The following PDE11A variants were observed in gnomAD, a reference collection of about 807,000 sequenced individuals.
PDE11A encodes the protein phosphodiesterase 11A.
PDE11A carries 100 observed loss-of-function variants against 100.5 expected under a neutral mutation model. The observed-to-expected ratio is 1.00, with a 90% CI of 0.85 to 1.18. PDE11A has a LOEUF of 1.18. PDE11A is among the 50% of genes most tolerant of loss of function. The pLI, the probability that PDE11A is intolerant of heterozygous loss-of-function variation, is 0.00. For missense variants in PDE11A, 1,141 were observed against 1,152.6 expected, an observed-to-expected ratio of 0.99 and a Z score of 0.15; for synonymous variants, 381 against 420.8, an observed-to-expected ratio of 0.91 and a Z score of 1.16.
intron 10 of PDE11A, among the ~76,000 whole-genome samples, chr2:177,730,566 G>T (rs186571612): frequency 8.2e-5 from 11 of 134,726 alleles, no homozygotes; most frequent in Non-Finnish European, 1.5e-4. Context: ...TTTCCTTTTT[G>T]CTCTGCTTTC....
In PDE11A at chr2:177,698,879, T is replaced by C. The variant is rs182025059; in HGVS notation, c.2245-1447A>G. On this transcript the variant is annotated intron_variant, in intron 14 of 19. Coordinates refer to ENST00000286063, the MANE Select transcript of PDE11A (RefSeq NM_016953.4). ...AATGATCAATCACAGGCAGGTGTTC[T>C]GGGGCCAGAGAAAAAGTGGTAGGAA... Among the ~76,000 whole-genome samples, 7 of 152,284 alleles carry C rather than the reference T, an allele frequency of 4.6e-5. No individual in the cohort carries two copies. In the East Asian group the frequency reaches 1.2e-3, roughly 25 times the overall value.
At chr2:177,966,589 C>A (rs1559026888) in intron 2 of PDE11A, among the ~76,000 whole-genome samples, 1 of 151,738 alleles carries the variant, frequency 6.6e-6, no homozygotes, top group African/African-American at 2.4e-5. Flanking sequence ...TTATTGGAAG[C>A]CTTTTCTGTG....
intron 9 of PDE11A, among the ~76,000 whole-genome samples, chr2:177,787,765 C>A (rs1210921631): frequency 2.0e-5 from 3 of 151,758 alleles, no homozygotes; most frequent in Non-Finnish European, 2.9e-5. Flanking sequence ...AGACTTTAAA[C>A]CAACAAAGAT....
intron 2 of PDE11A, among the ~76,000 whole-genome samples, chr2:177,925,398 C>A (rs1218026625): frequency 6.6e-6 from 1 of 151,618 alleles, no homozygotes; most frequent in Non-Finnish European, 1.5e-5. Flanking sequence ...CCTGTTGTTT[C>A]CTGACTTTTT....
At chr2:177,997,418 ACCTTT>A (rs1256450996) in intron 2 of PDE11A, 1 of 826,512 alleles carries the variant, frequency 1.2e-6, no homozygotes, top group East Asian at 2.4e-5. Context: ...CCCAATCTCA[ACCTTT>A]TATACAGGTT....
intron 4 of PDE11A, among the ~76,000 whole-genome samples, chr2:177,877,813 C>T (rs1167603936): frequency 6.6e-6 from 1 of 152,068 alleles, no homozygotes; most frequent in African/African-American, 2.4e-5. Context: ...AGATATACCA[C>T]ATGATAGAAA....
At chr2:177,852,269 G>T (rs548220039) in intron 5 of PDE11A, among the ~76,000 whole-genome samples, 1 of 152,282 alleles carries the variant, frequency 6.6e-6, no homozygotes, top group South Asian at 2.1e-4. Context: ...ATGATTGTCA[G>T]TTGCCCTTCT....
intron 4 of PDE11A, among the ~76,000 whole-genome samples, chr2:177,880,881 A>G (rs2084321138): frequency 6.6e-6 from 1 of 152,204 alleles, no homozygotes; most frequent in African/African-American, 2.4e-5. Context: ...AATAATAAAT[A>G]AGGTCTCTAA....
intron 2 of PDE11A, among the ~76,000 whole-genome samples, chr2:177,981,903 C>T (rs1202732181): frequency 6.6e-6 from 1 of 150,762 alleles, no homozygotes; most frequent in Non-Finnish European, 1.5e-5. Context: ...AATGAGTATC[C>T]TTCCTGCGCT....
At chr2:177,895,261 T>TCCACCCG (rs1350447030) in intron 4 of PDE11A, among the ~76,000 whole-genome samples, 9 of 152,034 alleles carry the variant, frequency 5.9e-5, no homozygotes, top group Non-Finnish European at 1.3e-4. Flanking sequence ...ATTTAAAAAA[T>TCCACCCG]GCTATTCTGG....
chr2:178,051,254 C>T (rs1159741375), intron 1 of PDE11A, among the ~76,000 whole-genome samples: 1 of 152,152 alleles, frequency 6.6e-6, no homozygotes, highest in Non-Finnish European at 1.5e-5. Context: ...TCCAGCCAAA[C>T]TAAGCTTCAT....
At chr2:177,698,825 G>C (rs1383222607) in intron 14 of PDE11A, among the ~76,000 whole-genome samples, 1 of 152,266 alleles carries the variant, frequency 6.6e-6, no homozygotes, top group East Asian at 1.9e-4. Context: ...CCATAATTCT[G>C]CCCAGGTTTT....
At chr2:177,957,104 A>G (rs1320855681) in intron 2 of PDE11A, among the ~76,000 whole-genome samples, 2 of 152,166 alleles carry the variant, frequency 1.3e-5, no homozygotes, top group Non-Finnish European at 2.9e-5. Context: ...AAAACAAACA[A>G]GGGGCTGGTC....
intron 9 of PDE11A, among the ~76,000 whole-genome samples, chr2:177,813,592 A>G (rs1366080658): frequency 6.6e-6 from 1 of 152,118 alleles, no homozygotes; most frequent in East Asian, 1.9e-4. Flanking sequence ...CAGAGGATGT[A>G]CCATGGAGAG....
intron 15 of PDE11A, among the ~76,000 whole-genome samples, chr2:177,682,155 C>G (rs1248609663): frequency 6.6e-6 from 1 of 152,206 alleles, no homozygotes; most frequent in African/African-American, 2.4e-5. Context: ...ACACTCCCTT[C>G]TATTGATTCC....
chr2:177,889,549 C>T (rs78873152), intron 4 of PDE11A, among the ~76,000 whole-genome samples: 25,092 of 151,682 alleles, frequency 0.17, 2,642 homozygotes, highest in African/African-American at 0.3. Context: ...TAGTTTGGAC[C>T]TCTGTTATTC....
At chr2:178,108,079 T>G (rs554745842) in intron 1 of PDE11A, among the ~76,000 whole-genome samples, 160 of 152,388 alleles carry the variant, frequency 1.0e-3, no homozygotes, top group African/African-American at 3.8e-3. Context: ...TCTGTAACAC[T>G]GCAGATGCTT....
intron 1 of PDE11A, among the ~76,000 whole-genome samples, chr2:178,038,066 T>TTA (rs2086639490): frequency 1.3e-5 from 2 of 152,120 alleles, no homozygotes; most frequent in African/African-American, 4.8e-5. Flanking sequence ...GGGTTATAGA[T>TTA]TAGATACCCT....
At chr2:177,982,237 AT>A (rs1032855374) in intron 2 of PDE11A, among the ~76,000 whole-genome samples, 2 of 149,816 alleles carry the variant, frequency 1.3e-5, no homozygotes. Context: ...AGCTTTTGTT[AT>A]TTTTTTTGGC....
Sources: gnomAD v4.1 joint callset for allele counts (sites outside exome capture counted in the v4.1 genomes callset) on GRCh38, gnomAD v4.1.1 for gene constraint, MANE v1.5 for transcripts, NCBI Gene and HGNC (gene_info 2026-07-23, HGNC 2026-07-21) for gene names.